MDFI: variants seen among roughly 807,000 people sequenced by gnomAD.
The protein encoded by MDFI is MyoD family inhibitor.
MDFI carries 16 observed loss-of-function variants against 22.3 expected under a neutral mutation model. The observed-to-expected ratio is 0.72, with a 90% confidence interval of 0.49 to 1.09. MDFI has a LOEUF of 1.09. MDFI is among the 50% of genes least tolerant of loss of function. The probability of loss-of-function intolerance (pLI) is 0.00; values close to 1 mark genes in which losing one functional copy is unlikely to be tolerated. For missense variants in MDFI, 314 were observed against 326.1 expected (o/e 0.96, Z 0.29); for synonymous variants, 145 against 142.7 (o/e 1.02, Z -0.12).
At chr6:41,647,528 C>T (rs1040268272) in intron 3 of MDFI, among the ~76,000 whole-genome samples, 2 of 152,204 alleles carry the variant, frequency 1.3e-5, no homozygotes, top group African/African-American at 2.4e-5. Context: ...TATCCAGATG[C>T]AGGCATCAGC....
chr6:41,641,906 C>T (rs1292940372), intron 2 of MDFI, among the ~76,000 whole-genome samples: 1 of 152,152 alleles, frequency 6.6e-6, no homozygotes, highest in East Asian at 1.9e-4. Flanking sequence ...CAGAGAGAAC[C>T]CACAGAGTCC....
rs1767774429 is a variant in MDFI, at chr6:41,639,598, A to T, written c.76+773A>T. 7 of 985,288 alleles carry T rather than the reference A, an allele frequency of 7.1e-6. No individual in the cohort carries two copies. The South Asian group carries it at 2.8e-4, about 40-fold the overall frequency. 61.0% of individuals were successfully genotyped at this position (985,288 alleles called of 1,614,324 possible). On this transcript the variant is annotated intron_variant, in intron 2 of 4. Transcript: ENST00000230321. ...GCCAGATGCCTAAGCCGAAGCTCCC[A>T]AATGGAAGTCCGGGTCAAGGAGAAG... is the stretch of plus-strand genomic sequence containing the variant.
At position 41,649,537 on chromosome 6, in the gene MDFI, C is replaced by G. The variant is rs544605447; in HGVS notation, c.260-82C>G. On this transcript the variant is annotated intron_variant, in intron 3 of 4. Transcript: ENST00000230321. ...GTGCTTTGGGGTATATGTAAGAATGCAGCAGGCAGGATTCGAGCATAGCTC... is the reference window on the plus strand; with the variant it reads ...GTGCTTTGGGGTATATGTAAGAATGGAGCAGGCAGGATTCGAGCATAGCTC... 2.9e-3 allele frequency: 3,699 copies of G among 1,282,250 alleles called. 7 individuals carry two copies. The highest frequency in any genetic ancestry group is 3.7e-3 in the Non-Finnish European group (3,436 of 923,354). The allele number at this position is 1,282,250 out of a possible 1,614,324, so 79.4% of individuals were successfully genotyped here.
At chr6:41,640,025 A>C (rs1767791579) in intron 2 of MDFI, 7 of 790,676 alleles carry the variant, frequency 8.9e-6, no homozygotes, top group Non-Finnish European at 1.1e-5. Context: ...CAGTGTGTCT[A>C]CAGCCCATCT....
intron 3 of MDFI, among the ~76,000 whole-genome samples, 165 bp downstream of exon 3, chr6:41,646,473 C>T (rs1227382129): frequency 2.0e-5 from 3 of 152,184 alleles, no homozygotes; most frequent in Non-Finnish European, 4.4e-5. Flanking sequence ...TGCTTTCTGT[C>T]AAGGGGAAGA....
At position 41,647,915 on chromosome 6, in the gene MDFI, C is replaced by T. The variant is rs958230257; in HGVS notation, c.259+1607C>T. On this transcript the variant is annotated intron_variant, in intron 3 of 4. Coordinates refer to ENST00000230321, the MANE Select transcript of MDFI (RefSeq NM_005586.4). ...AAAATTAGCCGGGCGTGGTGGCGGG[C>T]GCATGTAGTCCCTAGCTACTCGGGA... 2.0e-4 allele frequency among the ~76,000 whole-genome samples: 31 copies of T among 151,764 alleles called. No individual in the cohort carries two copies. The South Asian group carries it at 3.1e-3, about 15-fold the overall frequency.
chr6:41,646,239 G>C lies in MDFI; in HGVS notation c.190G>C (p.Gly64Arg). 1 of 1,585,538 alleles carries C rather than the reference G, an allele frequency of 6.3e-7. No homozygotes were observed. Among genetic ancestry groups the C allele is most frequent in the Non-Finnish European group, 8.6e-7 (1 of 1,166,722 alleles). The change falls in exon 3 of 5, where the codon GGC (glycine) becomes CGC (arginine). Residue 64 changes from glycine (G) to arginine (R), a missense_variant. Gly to Arg is a moderately radical substitution (Grantham distance 125). Transcript: ENST00000230321. ...LEEAATPMPQ[G>R]NGPGIPQGLD... ...GGAGGCGGCAACCCCCATGCCCCAA[G>C]GCAATGGCCCTGGCATCCCCCAGGG...
chr6:41,646,832 C>T (rs950133076), intron 3 of MDFI, among the ~76,000 whole-genome samples: 10 of 152,312 alleles, frequency 6.6e-5, no homozygotes, highest in Middle Eastern at 3.4e-3. Context: ...TTATAACTAA[C>T]GAAGATTTGC....
Position 41,650,574 on chromosome 6 carries a change from T to TC in MDFI, c.484+731_484+732insC, listed in dbSNP as rs1768230225. 2.5e-4 allele frequency among the ~76,000 whole-genome samples: 5 copies of TC among 19,706 alleles called. No homozygotes were observed. The South Asian group carries it at 0.011, about 42-fold the overall frequency. 12.9% of individuals were successfully genotyped at this position (19,706 alleles called of 152,430 possible). ...AGATTCTGCCCAACAGTCTTTTTCC[T>TC]TTTTTTTTTTTTTTTTTGAGATGGA... is the stretch of plus-strand genomic sequence containing the variant. On this transcript the variant is annotated intron_variant, in intron 4 of 4. Transcript: ENST00000230321.
At chr6:41,645,970 G>C (rs536773639) in intron 2 of MDFI, among the ~76,000 whole-genome samples, 156 bp from the exon 3 acceptor site, 1 of 152,260 alleles carries the variant, frequency 6.6e-6, no homozygotes, top group Admixed American at 6.5e-5. Flanking sequence ...TTTGGAGCCC[G>C]GTGCTGTTGT....
intron 4 of MDFI, 104 bp downstream of exon 4, chr6:41,649,947 G>T: frequency 1.0e-6 from 1 of 974,638 alleles, no homozygotes; most frequent in Non-Finnish European, 1.5e-6. Context: ...CTGTTACTTA[G>T]AGATGCAGGA....
chr6:41,654,030 GC>G lies in MDFI; in HGVS notation c.*459del, dbSNP rs1768387896. On this transcript the variant is annotated 3_prime_UTR_variant, in exon 5 of 5. Coordinates refer to ENST00000230321, the MANE Select transcript of MDFI (RefSeq NM_005586.4). ...AGAGGACAGAAAAATGTGAAGAGAC[GC>G]CCCACCCACCCTCAGCCAGCCCTCT... is the stretch of plus-strand genomic sequence containing the variant. 1 of 204,036 alleles carries G rather than the reference GC, an allele frequency of 4.9e-6. No homozygotes were observed. The highest frequency in any genetic ancestry group is 9.9e-5 in the South Asian group (1 of 10,134). 12.6% of individuals were successfully genotyped at this position (204,036 alleles called of 1,614,324 possible). A position where few individuals can be genotyped will look rare whatever the true frequency, so the allele number is the denominator to read the frequency against.
Position 41,638,881 on chromosome 6 carries a change from G to A in MDFI, c.76+56G>A. On this transcript the variant is annotated intron_variant, in intron 2 of 4. Transcript: ENST00000230321. The surrounding 1 kb of genome is among the most constrained non-coding windows in gnomAD (Gnocchi z 7.6). ...CAGGGGCGGGTGGGCGGCTGAAGGG[G>A]CCAGTTATTAGTTCTCCTCTCCGTC... The A allele has an allele frequency of 2.0e-6, 3 of 1,496,650 alleles. No homozygotes were observed. Among genetic ancestry groups the A allele is most frequent in the Non-Finnish European group, 1.8e-6 (2 of 1,119,370 alleles). The allele number at this position is 1,496,650 out of a possible 1,614,324, so 92.7% of individuals were successfully genotyped here.
chr6:41,653,046 A>G lies in MDFI; in HGVS notation c.485-273A>G, dbSNP rs13210683. 0.15 allele frequency among the ~76,000 whole-genome samples: 22,872 copies of G among 152,198 alleles called. 1,782 individuals carry two copies. The highest frequency in any genetic ancestry group is 0.27 in the Middle Eastern group (78 of 294). ...ACTCAGAACAGTGCCAAGAACATGTATCACTCCATATGTTGGTTAAACAAA... is the reference window on the plus strand; with the variant it reads ...ACTCAGAACAGTGCCAAGAACATGTGTCACTCCATATGTTGGTTAAACAAA... On this transcript the variant is annotated intron_variant, in intron 4 of 4. Coordinates refer to ENST00000230321, the MANE Select transcript of MDFI (RefSeq NM_005586.4). The surrounding 1 kb of genome is among the most constrained non-coding windows in gnomAD (Gnocchi z 4.2).
intron 2 of MDFI, among the ~76,000 whole-genome samples, chr6:41,642,213 G>A (rs79288316): frequency 0.082 from 12,418 of 152,148 alleles, 664 homozygotes; most frequent in Middle Eastern, 0.17. Context: ...GAGCAGGTGC[G>A]CAGTTGGGTG....
chr6:41,638,743 G>A lies in MDFI; in HGVS notation c.-7G>A, dbSNP rs1039868027. ...GCTGAGCCCTGTTTTCCGCAGGTCCGGGGCCGATGTACCAGGTGAGCGGCC... is the reference window on the plus strand; with the variant it reads ...GCTGAGCCCTGTTTTCCGCAGGTCCAGGGCCGATGTACCAGGTGAGCGGCC... On this transcript the variant is annotated 5_prime_UTR_variant, in exon 2 of 5. Coordinates refer to ENST00000230321, the MANE Select transcript of MDFI (RefSeq NM_005586.4). The surrounding 1 kb of genome is among the most constrained non-coding windows in gnomAD (Gnocchi z 7.6). The A allele has an allele frequency of 4.5e-6, 7 of 1,563,920 alleles. No homozygotes were observed. The highest frequency in any genetic ancestry group is 6.0e-6 in the Non-Finnish European group (7 of 1,160,260).
intron 2 of MDFI, among the ~76,000 whole-genome samples, chr6:41,642,000 C>A (rs1318339923): frequency 6.6e-6 from 1 of 152,160 alleles, no homozygotes; most frequent in Non-Finnish European, 1.5e-5. Context: ...GGGCGTCTTT[C>A]CAGAGCTCCA....
At chr6:41,649,205 A>C (rs1182757277) in intron 3 of MDFI, among the ~76,000 whole-genome samples, 1 of 152,210 alleles carries the variant, frequency 6.6e-6, no homozygotes, top group East Asian at 1.9e-4. Flanking sequence ...GGCCGAGGTG[A>C]AGATTAACTT....
At position 41,639,277 on chromosome 6, in the gene MDFI, C is replaced by T. The variant is rs532281840; in HGVS notation, c.76+452C>T. The stretch of plus-strand genomic sequence containing the variant: ...CCCAGCGCTTCCCGAAAACTTTTGT[C>T]TGCCGCGAGCGGCTGCAGGACCCAG... On this transcript the variant is annotated intron_variant, in intron 2 of 4. Transcript: ENST00000230321. 3 of 985,398 alleles carry T rather than the reference C, an allele frequency of 3.0e-6. No individual in the cohort carries two copies. The East Asian group carries it at 3.4e-4, about 112-fold the overall frequency. The allele number at this position is 985,398 out of a possible 1,614,324, so 61.0% of individuals were successfully genotyped here.
Sources: gnomAD v4.1 joint callset for allele counts (sites outside exome capture counted in the v4.1 genomes callset) on GRCh38, gnomAD v4.1.1 for gene constraint, Gnocchi (gnomAD v3.1) non-coding constraint, MANE v1.5 for transcripts, NCBI Gene and HGNC (gene_info 2026-07-23, HGNC 2026-07-21) for gene names.